CHRNB3: variants seen among roughly 807,000 people sequenced by gnomAD.
CHRNB3 encodes cholinergic receptor nicotinic beta 3 subunit, also known as neuronal acetylcholine receptor subunit beta-3.
A neutral mutation model predicts 40.6 loss-of-function variants in CHRNB3; 37 were observed. The ratio of observed to expected loss-of-function variants is 0.91; its 90% confidence interval spans 0.70 to 1.20. CHRNB3 has a LOEUF of 1.20. Among genes scored for constraint, CHRNB3 ranks in the 50% most tolerant of loss-of-function variants. The pLI is 0.00. For missense variants in CHRNB3, 505 were observed against 551.2 expected (o/e 0.92, Z 0.84); for synonymous variants, 207 against 207.1 (o/e 1.00, Z 0.00).
chr8:42,718,463 G>C (rs1235335243), intron 3 of CHRNB3, among the ~76,000 whole-genome samples: 1 of 151,472 alleles, frequency 6.6e-6, no homozygotes, highest in African/African-American at 2.4e-5. Flanking sequence ...CACGAGGTCA[G>C]GAGATTGAGA....
intron 3 of CHRNB3, among the ~76,000 whole-genome samples, chr8:42,725,094 T>C (rs1816284667): frequency 2.0e-5 from 3 of 150,152 alleles, no homozygotes; most frequent in Admixed American, 2.0e-4. Flanking sequence ...TCTTTCTTTT[T>C]TTTTTTTTTT....
At chr8:42,701,088 C>T (rs1236629899) in intron 1 of CHRNB3, among the ~76,000 whole-genome samples, 3 of 151,776 alleles carry the variant, frequency 2.0e-5, no homozygotes, top group Non-Finnish European at 4.4e-5. Flanking sequence ...ATTAGCTGGG[C>T]GTGGTGGCAC....
At chr8:42,724,979 G>A (rs979036189) in intron 3 of CHRNB3, among the ~76,000 whole-genome samples, 19 of 151,608 alleles carry the variant, frequency 1.3e-4, no homozygotes, top group African/African-American at 3.4e-4. Context: ...GTGAGACTCC[G>A]TCTCAAAAAA....
In CHRNB3 at chr8:42,708,233, G is replaced by A. The variant is rs553182867; in HGVS notation, c.53-484G>A. 2.1e-4 allele frequency among the ~76,000 whole-genome samples: 32 copies of A among 152,322 alleles called. No individual in the cohort carries two copies. In the South Asian group the frequency reaches 5.0e-3, roughly 24 times the overall value. On this transcript the variant is annotated intron_variant, in intron 1 of 5. Transcript: ENST00000289957. ...TGTAATCCCAGCACTTTGGGAGGCTGAGGCGGACAGACCACGAGGTCAGGA... is the reference window on the plus strand; with the variant it reads ...TGTAATCCCAGCACTTTGGGAGGCTAAGGCGGACAGACCACGAGGTCAGGA...
intron 3 of CHRNB3, among the ~76,000 whole-genome samples, chr8:42,730,163 T>C (rs978734080): frequency 1.3e-5 from 2 of 152,152 alleles, no homozygotes; most frequent in African/African-American, 4.8e-5. Flanking sequence ...CATCTAAGCC[T>C]CTTGAGTGGT....
chr8:42,711,203 G>A (rs773165456), intron 3 of CHRNB3, among the ~76,000 whole-genome samples: 3 of 151,854 alleles, frequency 2.0e-5, no homozygotes, highest in South Asian at 4.2e-4. Context: ...CCAGCTATTC[G>A]GGAGGCTGAG....
intron 3 of CHRNB3, among the ~76,000 whole-genome samples, chr8:42,724,159 GGCT>G (rs1245063998): frequency 1.3e-5 from 2 of 152,118 alleles, no homozygotes; most frequent in Non-Finnish European, 2.9e-5. Context: ...CACATTGGGA[GGCT>G]GAGGCGGGCA....
At chr8:42,707,897 G>T (rs1028777738) in intron 1 of CHRNB3, among the ~76,000 whole-genome samples, 1 of 152,238 alleles carries the variant, frequency 6.6e-6, no homozygotes, top group African/African-American at 2.4e-5. Context: ...TGTTCTAGGT[G>T]CTGGGTAAAC....
At chr8:42,727,023 A>T (rs1563614535) in intron 3 of CHRNB3, among the ~76,000 whole-genome samples, 1 of 152,314 alleles carries the variant, frequency 6.6e-6, no homozygotes, top group East Asian at 1.9e-4. Context: ...CCACAAGCAG[A>T]TTCAAAAATT....
intron 1 of CHRNB3, among the ~76,000 whole-genome samples, chr8:42,701,078 A>C (rs1324849995): frequency 6.6e-6 from 1 of 151,890 alleles, no homozygotes; most frequent in Non-Finnish European, 1.5e-5. Context: ...AAACACAAAA[A>C]TTAGCTGGGC....
chr8:42,705,899 T>C (rs1030973012), intron 1 of CHRNB3: 1 of 152,222 alleles, frequency 6.6e-6, no homozygotes, highest in East Asian at 1.9e-4. Context: ...TCAATAGCCA[T>C]TAGCTCAACA....
At chr8:42,731,549 C>A in intron 4 of CHRNB3, 118 bp from the exon 5 acceptor site, 1 of 1,115,342 alleles carries the variant, frequency 9.0e-7, no homozygotes, top group Non-Finnish European at 1.2e-6. Context: ...AGTGAGACTC[C>A]ATCTCAAAAA....
intron 1 of CHRNB3, among the ~76,000 whole-genome samples, chr8:42,707,900 G>A (rs1815944897): frequency 6.6e-6 from 1 of 152,240 alleles, no homozygotes; most frequent in African/African-American, 2.4e-5. Flanking sequence ...TCTAGGTGCT[G>A]GGTAAACATG....
At chr8:42,721,961 G>A (rs1438473066) in intron 3 of CHRNB3, 1 of 152,152 alleles carries the variant, frequency 6.6e-6, no homozygotes, top group African/African-American at 2.4e-5. Flanking sequence ...GTGGAGTGAG[G>A]TTGTTCCACA....
chr8:42,720,404 G>A (rs1458551558), intron 3 of CHRNB3, among the ~76,000 whole-genome samples: 8 of 151,952 alleles, frequency 5.3e-5, no homozygotes, highest in East Asian at 1.9e-4. Flanking sequence ...ATGAGCCACC[G>A]CGCCCAGCCC....
chr8:42,702,093 C>G (rs953047903), intron 1 of CHRNB3, among the ~76,000 whole-genome samples: 1 of 152,068 alleles, frequency 6.6e-6, no homozygotes, highest in East Asian at 1.9e-4. Context: ...CCTTCTGAGC[C>G]AGCAGCAGCA....
chr8:42,732,576 G>A (rs754918266), intron 5 of CHRNB3, 27 bp downstream of exon 5: 2 of 1,546,512 alleles, frequency 1.3e-6, no homozygotes, highest in Non-Finnish European at 1.7e-6. Flanking sequence ...TCCTGATAAT[G>A]CTGCCGTAAA....
chr8:42,713,025 CTAATTTT>C (rs1816044087), intron 3 of CHRNB3, among the ~76,000 whole-genome samples: 1 of 151,888 alleles, frequency 6.6e-6, no homozygotes, highest in Non-Finnish European at 1.5e-5. Flanking sequence ...CCATACCTGG[CTAATTTT>C]TGTATTTTTA....
At chr8:42,704,545 C>T (rs544251593) in intron 1 of CHRNB3, 1 of 152,314 alleles carries the variant, frequency 6.6e-6, no homozygotes, top group East Asian at 1.9e-4. Flanking sequence ...CGTGCAACTC[C>T]ACCTCCTTTC....
Sources: allele counts gnomAD v4.1 joint callset (sites outside exome capture counted in the v4.1 genomes callset), GRCh38; gene constraint gnomAD v4.1.1; transcripts MANE v1.5; gene names NCBI Gene and HGNC (gene_info 2026-07-23, HGNC 2026-07-21).